SNX2: variants seen among roughly 807,000 people sequenced by gnomAD.
SNX2 encodes the protein sorting nexin-2.
Under a neutral mutation model 69.9 loss-of-function variants are expected in SNX2, and 25 were observed. The observed-to-expected ratio is 0.36, with a 90% confidence interval of 0.26 to 0.50. The LOEUF (loss-of-function observed/expected upper bound fraction) is 0.50. Ranked by LOEUF, SNX2 falls within the 20% of genes least tolerant of loss-of-function variation. SNX2 has a pLI of 0.97. For missense variants in SNX2, 551 were observed against 613.3 expected, an observed-to-expected ratio of 0.90 and a Z score of 1.07; for synonymous variants, 229 against 200.4, an observed-to-expected ratio of 1.14 and a Z score of -1.20.
At position 122,775,300 on chromosome 5, in the gene SNX2, G is replaced by T. The variant is rs374374713; in HGVS notation, c.108+89G>T. 4.1e-5 allele frequency: 60 copies of T among 1,455,634 alleles called. No homozygotes were observed. In the East Asian group the frequency reaches 6.2e-4, roughly 15 times the overall value. The allele number at this position is 1,455,634 out of a possible 1,614,324, so 90.2% of individuals were successfully genotyped here. On this transcript the variant is annotated intron_variant, in intron 1 of 14. Coordinates refer to ENST00000379516, the MANE Select transcript of SNX2 (RefSeq NM_003100.4). ...CCCGACTTGTCCCTCCCCATCCCCC[G>T]TGTTTGCAAGGACCGTCTTGGGGTG... is the stretch of plus-strand genomic sequence containing the variant.
At position 122,831,504 on chromosome 5, in the gene SNX2, TTGA is replaced by T. The variant is rs1754288352; in HGVS notation, c.*1860_*1862del. On this transcript the variant is annotated 3_prime_UTR_variant, in exon 15 of 15. Transcript: ENST00000379516. ...CCCTGTCTCTAAAAAAAATGAAGAC[TTGA>T]TGAGTTGAACAGGGAAAACAAAAGT... Among the ~76,000 whole-genome samples the T allele has an allele frequency of 6.6e-6, 1 of 152,160 alleles. No homozygotes were observed. The highest frequency in any genetic ancestry group is 6.6e-5 in the Admixed American group (1 of 15,260).
rs549982759 is a variant in SNX2, at chr5:122,775,134, G to C, written c.31G>C (p.Gly11Arg). Residue 11 changes from glycine to arginine, a missense_variant, in exon 1 of 15, where the codon GGG (glycine) becomes CGG (arginine). This residue lies in a region of SNX2 where 191 missense variants were observed against 162.9 expected (regional missense o/e 1.17). Coordinates refer to ENST00000379516, the MANE Select transcript of SNX2 (RefSeq NM_003100.4). MAAEREPPPL[G>R]DGKPTDFEDL... is the part of the protein sequence containing the mutation. ...GGCCGAGAGGGAACCTCCTCCGCTG[G>C]GGGACGGGAAGCCCACCGACTTTGA... 1 of 1,595,444 alleles carries C rather than the reference G, an allele frequency of 6.3e-7. No homozygotes were observed. Among genetic ancestry groups the C allele is most frequent in the Admixed American group, 1.8e-5 (1 of 56,206 alleles).
chr5:122,818,723 A>G (rs1207517586), intron 10 of SNX2, 95 bp from the exon 11 acceptor site: 7 of 949,078 alleles, frequency 7.4e-6, no homozygotes, highest in South Asian at 3.5e-5. Context: ...CAACTTGTGC[A>G]TAAGTAAAAT....
intron 11 of SNX2, among the ~76,000 whole-genome samples, chr5:122,823,523 C>A (rs1416221560): frequency 6.6e-6 from 1 of 152,120 alleles, no homozygotes; most frequent in Non-Finnish European, 1.5e-5. Context: ...TTGATGTATA[C>A]ATTGAGAACT....
intron 1 of SNX2, among the ~76,000 whole-genome samples, chr5:122,778,416 A>G (rs571392147): frequency 3.9e-5 from 6 of 152,316 alleles, no homozygotes; most frequent in Admixed American, 6.5e-5. Flanking sequence ...CATAATGGCT[A>G]TACTAATTAC....
chr5:122,797,627 A>G (rs1201670709), intron 2 of SNX2, among the ~76,000 whole-genome samples: 1 of 152,176 alleles, frequency 6.6e-6, no homozygotes, highest in African/African-American at 2.4e-5. Context: ...TTGTCCAGTA[A>G]TGAGAAACCT....
chr5:122,831,837 T>TAATA lies in SNX2; in HGVS notation c.*2194_*2197dup, dbSNP rs1221546364. 5.3e-5 allele frequency among the ~76,000 whole-genome samples: 8 copies of TAATA among 152,264 alleles called. No homozygotes were observed. Among genetic ancestry groups the TAATA allele is most frequent in the African/African-American group, 1.7e-4 (7 of 41,558 alleles). On this transcript the variant is annotated 3_prime_UTR_variant, in exon 15 of 15. Coordinates refer to ENST00000379516, the MANE Select transcript of SNX2 (RefSeq NM_003100.4). ...GAATATTCAGTACCTCCAAGTAAAA[T>TAATA]AATAAATATTTTCAGCCTTGATTAA...
At position 122,802,085 on chromosome 5, in the gene SNX2, T is replaced by C; in HGVS notation, c.462T>C (p.Asp154=). 6.2e-7 allele frequency: 1 copy of C among 1,613,664 alleles called. No homozygotes were observed. Among genetic ancestry groups the C allele is most frequent in the South Asian group, 1.1e-5 (1 of 91,054 alleles). The stretch of plus-strand genomic sequence containing the variant: ...AGTGTTTGACTTTTTTTGCAGGTGA[T>C]GGCATGAATGCCTATATGGCATATA... ...IGVSDPEKVG[D]GMNAYMAYRV... Residue 154 remains aspartate, a synonymous_variant, in exon 5 of 15, where the codon GAT becomes GAC. Transcript: ENST00000379516.
At chr5:122,824,266 A>G (rs2150017471) in intron 11 of SNX2, among the ~76,000 whole-genome samples, 1 of 151,128 alleles carries the variant, frequency 6.6e-6, no homozygotes, top group East Asian at 1.9e-4. Context: ...AAAGCTCATC[A>G]CTTAGTGTTA....
chr5:122,791,428 C>A (rs192988448), intron 1 of SNX2, among the ~76,000 whole-genome samples: 1 of 152,028 alleles, frequency 6.6e-6, no homozygotes, highest in East Asian at 1.9e-4. Flanking sequence ...ATTACAGGCG[C>A]CTGCCACCAC....
At chr5:122,815,312 G>GAAATACTGAAT (rs1753876896) in intron 7 of SNX2, among the ~76,000 whole-genome samples, 1 of 152,142 alleles carries the variant, frequency 6.6e-6, no homozygotes, top group Non-Finnish European at 1.5e-5. Flanking sequence ...CTTAAAAATA[G>GAAATACTGAAT]AAATACTGAA....
intron 1 of SNX2, among the ~76,000 whole-genome samples, chr5:122,776,303 A>C (rs1172102953): frequency 1.3e-5 from 2 of 152,172 alleles, no homozygotes; most frequent in African/African-American, 2.4e-5. Context: ...AGCACTGATC[A>C]CATTCTGCTA....
chr5:122,781,657 C>T (rs980368302), intron 1 of SNX2, among the ~76,000 whole-genome samples: 3 of 152,108 alleles, frequency 2.0e-5, no homozygotes, highest in Admixed American at 1.3e-4. Flanking sequence ...TTTCCATATC[C>T]TTGTCAGCAC....
At chr5:122,778,067 T>C (rs1471104755) in intron 1 of SNX2, among the ~76,000 whole-genome samples, 1 of 152,224 alleles carries the variant, frequency 6.6e-6, no homozygotes, top group Non-Finnish European at 1.5e-5. Flanking sequence ...AGTAGGAACA[T>C]GCAGTATTTG....
chr5:122,833,429 A>C lies in SNX2; in HGVS notation c.*3781A>C, dbSNP rs1754338973. ...AGCCAAATGTTAAAAAGTAAAAAAC[A>C]ATTTTAATAATCCAGTAGCTCCAAA... On this transcript the variant is annotated 3_prime_UTR_variant, in exon 15 of 15. Coordinates refer to ENST00000379516, the MANE Select transcript of SNX2 (RefSeq NM_003100.4). 1 of 152,198 alleles carries C rather than the reference A, an allele frequency of 6.6e-6. No individual in the cohort carries two copies. The highest frequency in any genetic ancestry group is 1.5e-5 in the Non-Finnish European group (1 of 68,020). 9.4% of individuals were successfully genotyped at this position (152,198 alleles called of 1,614,324 possible). A position where few individuals can be genotyped will look rare whatever the true frequency, so the allele number is the denominator to read the frequency against.
At position 122,831,805 on chromosome 5, in the gene SNX2, T is replaced by G. The variant is rs1359393239; in HGVS notation, c.*2157T>G. Among the ~76,000 whole-genome samples, 2 of 152,198 alleles carry G rather than the reference T, an allele frequency of 1.3e-5. No homozygotes were observed. The highest frequency in any genetic ancestry group is 2.4e-5 in the African/African-American group (1 of 41,454). On this transcript the variant is annotated 3_prime_UTR_variant, in exon 15 of 15. Coordinates refer to ENST00000379516, the MANE Select transcript of SNX2 (RefSeq NM_003100.4). ...ATTAAAATCTTCCATTCAGATGTGG[T>G]ACATTAGAATATTCAGTACCTCCAA... is the stretch of plus-strand genomic sequence containing the variant.
chr5:122,810,192 G>A (rs990229914), intron 7 of SNX2, among the ~76,000 whole-genome samples: 4 of 150,866 alleles, frequency 2.7e-5, no homozygotes, highest in African/African-American at 9.8e-5. Flanking sequence ...TTAAACAGAT[G>A]CTTGAAGGCA....
chr5:122,824,803 C>T (rs1472929764), intron 11 of SNX2, among the ~76,000 whole-genome samples: 1 of 152,164 alleles, frequency 6.6e-6, no homozygotes, highest in African/African-American at 2.4e-5. Flanking sequence ...CAGTTAACTA[C>T]ATTTACATGT....
Position 122,799,758 on chromosome 5 carries a change from C to T in SNX2, c.293C>T (p.Pro98Leu). Residue 98 changes from proline (P) to leucine (L), a missense_variant, in exon 3 of 15, where the codon CCT becomes CTT. Around this residue, in one of 2 missense-constraint regions of SNX2, gnomAD observed 191 missense variants for 162.9 expected, o/e 1.17. Coordinates refer to ENST00000379516, the MANE Select transcript of SNX2 (RefSeq NM_003100.4). ...CCTATCCTATCCTCGGAACCTTCTC[C>T]TGCAGTCACACCTGTCACTCCTACT... Reference protein sequence around the residue: ...REPILSSEPSPAVTPVTPTTL... With the variant: ...REPILSSEPSLAVTPVTPTTL... 1 of 1,613,898 alleles carries T rather than the reference C, an allele frequency of 6.2e-7. No individual in the cohort carries two copies. The highest frequency in any genetic ancestry group is 8.5e-7 in the Non-Finnish European group (1 of 1,179,806).
Sources: allele counts gnomAD v4.1 joint callset (sites outside exome capture counted in the v4.1 genomes callset), GRCh38; gene constraint gnomAD v4.1.1; regional missense constraint gnomAD v4.1.1; transcripts MANE v1.5; gene names NCBI Gene and HGNC (gene_info 2026-07-23, HGNC 2026-07-21).